Variants in HS3ST3B1 observed in about 807,000 individuals in gnomAD.
HS3ST3B1 encodes the protein heparan sulfate glucosamine 3-O-sulfotransferase 3B1.
Under a neutral mutation model 21.3 loss-of-function variants are expected in HS3ST3B1, and 13 were observed. That is an observed-to-expected ratio of 0.61 (90% CI 0.40 to 0.97). The LOEUF (loss-of-function observed/expected upper bound fraction) is 0.97. Among genes scored for constraint, HS3ST3B1 ranks in the 50% least tolerant of loss-of-function variants. The pLI, the probability that HS3ST3B1 is intolerant of heterozygous loss-of-function variation, is 0.00. For synonymous variants in HS3ST3B1, 234 were observed against 254.8 expected, an observed-to-expected ratio of 0.92 and a Z score of 0.78; for missense variants, 459 against 554.8, an observed-to-expected ratio of 0.83 and a Z score of 1.73.
chr17:14,342,611 A>G (rs1910422926), intron 1 of HS3ST3B1, among the ~76,000 whole-genome samples: 1 of 152,168 alleles, frequency 6.6e-6, no homozygotes, highest in Non-Finnish European at 1.5e-5. Flanking sequence ...GGTGTATTCT[A>G]AGCATGTTAT....
At chr17:14,309,476 T>C (rs1345730416) in intron 1 of HS3ST3B1, among the ~76,000 whole-genome samples, 1 of 152,046 alleles carries the variant, frequency 6.6e-6, no homozygotes, top group East Asian at 1.9e-4. Flanking sequence ...TTCGCGCTGA[T>C]TGGGTGGAGG....
chr17:14,310,369 T>C (rs902620940), intron 1 of HS3ST3B1, among the ~76,000 whole-genome samples: 1 of 152,174 alleles, frequency 6.6e-6, no homozygotes, highest in Non-Finnish European at 1.5e-5. Context: ...CCATTTCTAG[T>C]GCTGCCCAAG....
intron 1 of HS3ST3B1, among the ~76,000 whole-genome samples, chr17:14,341,488 A>G (rs2037015086): frequency 6.6e-6 from 1 of 152,126 alleles, no homozygotes; most frequent in Non-Finnish European, 1.5e-5. Context: ...TACCAAAGCT[A>G]ACTTTGCAGT....
At chr17:14,343,732 T>C (rs1156713261) in intron 1 of HS3ST3B1, among the ~76,000 whole-genome samples, 2 of 152,150 alleles carry the variant, frequency 1.3e-5, no homozygotes, top group South Asian at 2.1e-4. Context: ...AAATCTATTC[T>C]CCATTGATAG....
intron 1 of HS3ST3B1, among the ~76,000 whole-genome samples, chr17:14,331,888 G>T (rs900554985): frequency 6.6e-6 from 1 of 152,122 alleles, no homozygotes; most frequent in Admixed American, 6.5e-5. Flanking sequence ...AAGGAAGGAG[G>T]TTCCAGATAA....
At chr17:14,342,697 G>T (rs1034073579) in intron 1 of HS3ST3B1, among the ~76,000 whole-genome samples, 1 of 152,094 alleles carries the variant, frequency 6.6e-6, no homozygotes, top group African/African-American at 2.4e-5. Context: ...ATGAGAAAAA[G>T]ACGCCCAGAA....
intron 1 of HS3ST3B1, among the ~76,000 whole-genome samples, chr17:14,340,735 A>G (rs1326932456): frequency 6.6e-6 from 1 of 152,126 alleles, no homozygotes; most frequent in Non-Finnish European, 1.5e-5. Flanking sequence ...GGCATGTGCC[A>G]CCACGCTCAG....
intron 1 of HS3ST3B1, among the ~76,000 whole-genome samples, chr17:14,314,225 C>T (rs537922100): frequency 8.1e-5 from 10 of 122,958 alleles, no homozygotes; most frequent in South Asian, 2.4e-4. Flanking sequence ...GTGATCCACC[C>T]GCCTCGGCCT....
At chr17:14,320,153 TG>T (rs1269750449) in intron 1 of HS3ST3B1, among the ~76,000 whole-genome samples, 1 of 151,964 alleles carries the variant, frequency 6.6e-6, no homozygotes, top group Admixed American at 6.6e-5. Flanking sequence ...CTGTAGAGCA[TG>T]AGAATAAAGG....
chr17:14,323,561 C>G (rs552185051), intron 1 of HS3ST3B1, among the ~76,000 whole-genome samples: 1 of 151,330 alleles, frequency 6.6e-6, no homozygotes, highest in Non-Finnish European at 1.5e-5. Context: ...CTTCTTTAAC[C>G]GTCATGTTTT....
chr17:14,349,050 T>C lies in HS3ST3B1; in HGVS notation c.*3404T>C, dbSNP rs1910652942. On this transcript the variant is annotated 3_prime_UTR_variant, in exon 2 of 2. Transcript: ENST00000360954. ...AGGAAAATGGAAGATTCCAATAAAC[T>C]AGAAACAGTACGTATCTAAGATGCT... is the stretch of plus-strand genomic sequence containing the variant. 6.6e-6 allele frequency: 1 copy of C among 152,188 alleles called. No homozygotes were observed. The highest frequency in any genetic ancestry group is 2.1e-4 in the South Asian group (1 of 4,828). 9.4% of individuals were successfully genotyped at this position (152,188 alleles called of 1,614,324 possible).
Position 14,301,508 on chromosome 17 carries a change from G to T in HS3ST3B1, c.-11G>T. Reference sequence around the variant, plus strand: ...CTGAGCCATGTCCCTGGCCGCGCCCGCGGGCAGCGCATGGGGCAGCGCCTG... The same window carrying T: ...CTGAGCCATGTCCCTGGCCGCGCCCTCGGGCAGCGCATGGGGCAGCGCCTG... On this transcript the variant is annotated 5_prime_UTR_variant, in exon 1 of 2. Coordinates refer to ENST00000360954, the MANE Select transcript of HS3ST3B1 (RefSeq NM_006041.3). The T allele has an allele frequency of 6.6e-7, 1 of 1,507,578 alleles. No individual in the cohort carries two copies. The allele number at this position is 1,507,578 out of a possible 1,614,324, so 93.4% of individuals were successfully genotyped here. A position where few individuals can be genotyped will look rare whatever the true frequency, so the allele number is the denominator to read the frequency against.
chr17:14,345,994 T>A lies in HS3ST3B1; in HGVS notation c.*348T>A, dbSNP rs1007749234. 9 of 220,936 alleles carry A rather than the reference T, an allele frequency of 4.1e-5. No individual in the cohort carries two copies. The highest frequency in any genetic ancestry group is 7.1e-5 in the Non-Finnish European group (8 of 112,374). 13.7% of individuals were successfully genotyped at this position (220,936 alleles called of 1,614,324 possible). On this transcript the variant is annotated 3_prime_UTR_variant, in exon 2 of 2. Coordinates refer to ENST00000360954, the MANE Select transcript of HS3ST3B1 (RefSeq NM_006041.3). ...TCTGAGTTCTCCAGTTGCTGCCTCCTTGTCTTGTCTTGGGTCTCCCATTCC... is the reference window on the plus strand; with the variant it reads ...TCTGAGTTCTCCAGTTGCTGCCTCCATGTCTTGTCTTGGGTCTCCCATTCC...
At chr17:14,335,649 G>A (rs1327357013) in intron 1 of HS3ST3B1, among the ~76,000 whole-genome samples, 2 of 151,636 alleles carry the variant, frequency 1.3e-5, no homozygotes, top group African/African-American at 2.4e-5. Flanking sequence ...AGCCGAGATC[G>A]CACCACTGCA....
intron 1 of HS3ST3B1, among the ~76,000 whole-genome samples, chr17:14,308,498 G>C (rs1689393331): frequency 1.3e-5 from 2 of 152,086 alleles, no homozygotes; most frequent in Non-Finnish European, 2.9e-5. Flanking sequence ...TGTTTAAATA[G>C]CAAAGTTGTA....
chr17:14,345,692 A>T lies in HS3ST3B1; in HGVS notation c.*46A>T, dbSNP rs778394495. ...TTACCCACGTGGCTTATCTATTGAC[A>T]GAGATTATATGTATGTAAAATGTAC... is the stretch of plus-strand genomic sequence containing the variant. On this transcript the variant is annotated 3_prime_UTR_variant, in exon 2 of 2. Coordinates refer to ENST00000360954, the MANE Select transcript of HS3ST3B1 (RefSeq NM_006041.3). The T allele has an allele frequency of 9.0e-5, 142 of 1,585,980 alleles. No homozygotes were observed. The highest frequency in any genetic ancestry group is 6.2e-4 in the Admixed American group (35 of 56,194).
intron 1 of HS3ST3B1, among the ~76,000 whole-genome samples, chr17:14,332,655 C>A (rs973447858): frequency 6.6e-6 from 1 of 151,838 alleles, no homozygotes. Context: ...TTGGGTCCCT[C>A]ATTTCCCTTA....
chr17:14,320,988 T>C (rs1909643006), intron 1 of HS3ST3B1, among the ~76,000 whole-genome samples: 2 of 152,196 alleles, frequency 1.3e-5, no homozygotes, highest in Admixed American at 6.5e-5. Flanking sequence ...GCAGGGACGG[T>C]GGGATGTGTG....
chr17:14,345,031 C>T lies in HS3ST3B1; in HGVS notation c.558C>T (p.Asp186=). 1 of 1,603,866 alleles carries T rather than the reference C, an allele frequency of 6.2e-7. No individual in the cohort carries two copies. Among genetic ancestry groups the T allele is most frequent in the South Asian group, 1.1e-5 (1 of 90,130 alleles). ...TTTGTTTGCTTGCGTTTCTCAGGGA[C>T]CTGATGCCCAGAACCCTGGACGGGC... ...SYDKGLAWYR[D]LMPRTLDGQI... Residue 186 remains aspartate, a synonymous_variant, in exon 2 of 2, where the codon GAC becomes GAT. Transcript: ENST00000360954.
Sources: allele counts gnomAD v4.1 joint callset (sites outside exome capture counted in the v4.1 genomes callset), GRCh38; gene constraint gnomAD v4.1.1; transcripts MANE v1.5; gene names NCBI Gene and HGNC (gene_info 2026-07-23, HGNC 2026-07-21).